Variants in SLC18A2 observed in about 807,000 individuals in gnomAD.
SLC18A2 encodes the protein synaptic vesicular amine transporter.
Under a neutral mutation model 59.2 loss-of-function variants are expected in SLC18A2, and 33 were observed. The observed-to-expected ratio is 0.56, with a 90% CI of 0.42 to 0.75. The LOEUF (loss-of-function observed/expected upper bound fraction) is 0.75, where lower values mean the gene tolerates loss of function less well. Among genes scored for constraint, SLC18A2 ranks in the 30% least tolerant of loss-of-function variants. SLC18A2 has a pLI of 0.00. For synonymous variants in SLC18A2, 228 were observed against 253.5 expected, an observed-to-expected ratio of 0.90 and a Z score of 0.95; for missense variants, 569 against 668.6, an observed-to-expected ratio of 0.85 and a Z score of 1.64.
intron 15 of SLC18A2, among the ~76,000 whole-genome samples, chr10:117,273,311 A>G (rs961037998): frequency 6.6e-6 from 1 of 152,250 alleles, no homozygotes; most frequent in Non-Finnish European, 1.5e-5. Context: ...AAAGTGTCTT[A>G]TAAGACAGTT....
At chr10:117,272,043 C>G (rs372046226) in intron 15 of SLC18A2, among the ~76,000 whole-genome samples, 34 of 152,260 alleles carry the variant, frequency 2.2e-4, no homozygotes, top group African/African-American at 7.9e-4. Context: ...GGCCTGGGAG[C>G]CACACTGGCC....
intron 3 of SLC18A2, among the ~76,000 whole-genome samples, chr10:117,247,212 T>A (rs936038234): frequency 6.6e-6 from 1 of 152,206 alleles, no homozygotes; most frequent in East Asian, 1.9e-4. Flanking sequence ...ATGAGCAAGA[T>A]GTATGACTCA....
At chr10:117,250,498 A>T (rs1844151721) in intron 3 of SLC18A2, among the ~76,000 whole-genome samples, 1 of 152,230 alleles carries the variant, frequency 6.6e-6, no homozygotes, top group Non-Finnish European at 1.5e-5. Context: ...GAAAAACAGT[A>T]GCTGCAGTGT....
rs1438461216 is a variant in SLC18A2, at chr10:117,241,663, C to A, written c.-15-16C>A. On this transcript the variant is annotated splice_polypyrimidine_tract_variant and intron_variant, in intron 1 of 15. Coordinates refer to ENST00000644641, the MANE Select transcript of SLC18A2 (RefSeq NM_003054.6). ...CCACGGCCGCCTTGGGTCCTCACCG[C>A]GCACCGCGCCCGCAGCGGAGCCCCG... 6.5e-7 allele frequency: 1 copy of A among 1,548,304 alleles called. No individual in the cohort carries two copies. The highest frequency in any genetic ancestry group is 8.7e-7 in the Non-Finnish European group (1 of 1,149,546).
At chr10:117,246,252 C>G (rs1844109686) in intron 3 of SLC18A2, among the ~76,000 whole-genome samples, 1 of 152,210 alleles carries the variant, frequency 6.6e-6, no homozygotes, top group Non-Finnish European at 1.5e-5. Flanking sequence ...ACGTTACTAG[C>G]CGTACAGTGT....
At chr10:117,255,424 T>A in intron 7 of SLC18A2, 55 bp from the exon 8 acceptor site, 1 of 1,614,194 alleles carries the variant, frequency 6.2e-7, no homozygotes, top group Non-Finnish European at 8.5e-7. Flanking sequence ...GGCACGCGCT[T>A]GGGCCACACC....
chr10:117,255,259 C>G lies in SLC18A2; in HGVS notation c.701-18C>G. 1 of 1,612,576 alleles carries G rather than the reference C, an allele frequency of 6.2e-7. No individual in the cohort carries two copies. Among genetic ancestry groups the G allele is most frequent in the Non-Finnish European group, 8.5e-7 (1 of 1,178,586 alleles). ...GCATGTGTCCCAGGGGTGGTGTCCCCACTTTCTCTCCCTGCAGTGGGCCCC... is the reference window on the plus strand; with the variant it reads ...GCATGTGTCCCAGGGGTGGTGTCCCGACTTTCTCTCCCTGCAGTGGGCCCC... On this transcript the variant is annotated intron_variant, in intron 6 of 15. Coordinates refer to ENST00000644641, the MANE Select transcript of SLC18A2 (RefSeq NM_003054.6).
chr10:117,261,058 C>T (rs946358019), intron 10 of SLC18A2, among the ~76,000 whole-genome samples: 2 of 152,068 alleles, frequency 1.3e-5, no homozygotes, highest in African/African-American at 4.8e-5. Flanking sequence ...CAGTTTTTGC[C>T]ATTAGAAACC....
intron 3 of SLC18A2, among the ~76,000 whole-genome samples, chr10:117,250,174 T>G (rs556400064): frequency 2.8e-4 from 42 of 152,202 alleles, no homozygotes; most frequent in Non-Finnish European, 3.4e-4. Context: ...CCAGGGAGTC[T>G]TCTTTGCCTT....
intron 3 of SLC18A2, among the ~76,000 whole-genome samples, chr10:117,247,088 G>A (rs1641636741): frequency 6.6e-6 from 1 of 152,222 alleles, no homozygotes; most frequent in Admixed American, 6.5e-5. Context: ...AGTTCAGATG[G>A]ATTCAGAGAA....
chr10:117,246,528 G>A lies in SLC18A2; in HGVS notation c.464+2215G>A, dbSNP rs368765847. Among the ~76,000 whole-genome samples the A allele has an allele frequency of 1.2e-4, 18 of 152,298 alleles. No homozygotes were observed. The East Asian group carries it at 2.9e-3, about 24-fold the overall frequency. Reference sequence around the variant, plus strand: ...TTGTGAAATTTAGTCTATTCTCATGGTGAGTAATCCACTTTAGAAATTATC... The same window carrying A: ...TTGTGAAATTTAGTCTATTCTCATGATGAGTAATCCACTTTAGAAATTATC... On this transcript the variant is annotated intron_variant, in intron 3 of 15. Coordinates refer to ENST00000644641, the MANE Select transcript of SLC18A2 (RefSeq NM_003054.6).
chr10:117,247,843 T>C (rs916675882), intron 3 of SLC18A2, among the ~76,000 whole-genome samples: 1 of 152,152 alleles, frequency 6.6e-6, no homozygotes, highest in African/African-American at 2.4e-5. Context: ...TTAACTGAAG[T>C]GGGACCCACT....
intron 3 of SLC18A2, among the ~76,000 whole-genome samples, chr10:117,247,736 T>A (rs562298436): frequency 6.6e-6 from 1 of 152,228 alleles, no homozygotes; most frequent in African/African-American, 2.4e-5. Flanking sequence ...CAGTCCCTGA[T>A]GTGAACTGGT....
At chr10:117,241,253 G>A (rs886399262) in intron 1 of SLC18A2, 33 bp downstream of exon 1, 1 of 155,740 alleles carries the variant, frequency 6.4e-6, no homozygotes, top group East Asian at 1.9e-4. Context: ...CTCGCAGGGC[G>A]CGGTGCCGGA....
intron 10 of SLC18A2, among the ~76,000 whole-genome samples, chr10:117,262,096 A>C (rs1444889963): frequency 6.6e-6 from 1 of 152,114 alleles, no homozygotes; most frequent in East Asian, 1.9e-4. Flanking sequence ...TAGTAGAGAC[A>C]GGGTTTCACT....
At chr10:117,253,505 G>T (rs772660511) in intron 4 of SLC18A2, 48 bp downstream of exon 4, 8 of 1,220,920 alleles carry the variant, frequency 6.6e-6, no homozygotes, top group Admixed American at 3.9e-5. Context: ...ATCAGGGTGG[G>T]CATTGATGCC....
At position 117,266,769 on chromosome 10, in the gene SLC18A2, T is replaced by C; in HGVS notation, c.1028T>C (p.Ile343Thr). The C allele has an allele frequency of 1.2e-6, 2 of 1,614,070 alleles. No individual in the cohort carries two copies. The highest frequency in any genetic ancestry group is 8.5e-7 in the Non-Finnish European group (1 of 1,179,996). ...AFLPASISYL[I>T]GTNIFGILAH... ...TTGCCAGCTAGTATCTCTTATCTCA[T>C]TGGAACCAATATTTTTGGGATACTT... Residue 343 changes from isoleucine to threonine, a missense_variant, in exon 11 of 16, where the codon ATT (isoleucine) becomes ACT (threonine). Ile to Thr is a moderately conservative substitution (Grantham distance 89). Transcript: ENST00000644641.
At chr10:117,275,262 T>C (rs1844472851) in intron 15 of SLC18A2, among the ~76,000 whole-genome samples, 1 of 152,064 alleles carries the variant, frequency 6.6e-6, no homozygotes, top group Non-Finnish European at 1.5e-5. Context: ...CAGCCTAACT[T>C]AGAGGGTCAA....
intron 6 of SLC18A2, 28 bp from the exon 7 acceptor site, chr10:117,255,249 G>A: frequency 6.3e-7 from 1 of 1,592,650 alleles, no homozygotes; most frequent in Non-Finnish European, 8.6e-7. Context: ...TGTCCCAGGG[G>A]TGGTGTCCCC....
Sources: gnomAD v4.1 joint callset for allele counts (sites outside exome capture counted in the v4.1 genomes callset) on GRCh38, gnomAD v4.1.1 for gene constraint, MANE v1.5 for transcripts, NCBI Gene and HGNC (gene_info 2026-07-23, HGNC 2026-07-21) for gene names.